MDGA2: variants seen among roughly 807,000 people sequenced by gnomAD.
The protein encoded by MDGA2 is MAM domain-containing glycosylphosphatidylinositol anchor protein 2.
Under a neutral mutation model 117.8 loss-of-function variants are expected in MDGA2, and 40 were observed. The observed-to-expected ratio is 0.34, with a 90% CI of 0.26 to 0.44. MDGA2 has a LOEUF of 0.44. Among genes scored for constraint, MDGA2 ranks in the 20% least tolerant of loss-of-function variants. The pLI, the probability that MDGA2 is intolerant of heterozygous loss-of-function variation, is 1.00. For missense variants in MDGA2, 1,123 were observed against 1,250.6 expected (o/e 0.90, Z 1.54); for synonymous variants, 452 against 439.0 (o/e 1.03, Z -0.37).
chr14:47,003,746 T>C (rs145649447), intron 8 of MDGA2, among the ~76,000 whole-genome samples: 5 of 152,080 alleles, frequency 3.3e-5, no homozygotes, highest in Non-Finnish European at 7.4e-5. Flanking sequence ...TTTATCAGTA[T>C]CTTTCAAACA....
In MDGA2 at chr14:47,174,078, G is replaced by A. The variant is rs372005654; in HGVS notation, c.596-29804C>T. 9.1e-4 allele frequency among the ~76,000 whole-genome samples: 138 copies of A among 152,144 alleles called. 1 individual carries two copies. The highest frequency in any genetic ancestry group is 3.5e-3 in the East Asian group (18 of 5,154). On this transcript the variant is annotated intron_variant, in intron 3 of 16. Coordinates refer to ENST00000399232, the MANE Select transcript of MDGA2 (RefSeq NM_001113498.3). ...GCCATTACATAATGGTAAAGGGATC[G>A]ATTCAACAAGAAGAGGTAACTATCC... is the stretch of plus-strand genomic sequence containing the variant.
At chr14:47,288,356 T>C (rs1401060535) in intron 2 of MDGA2, among the ~76,000 whole-genome samples, 1 of 152,202 alleles carries the variant, frequency 6.6e-6, no homozygotes, top group Non-Finnish European at 1.5e-5. Context: ...CACAAAGAGT[T>C]ATTCAAAATG....
At chr14:46,959,610 A>AT (rs1348622525) in intron 8 of MDGA2, among the ~76,000 whole-genome samples, 1 of 151,578 alleles carries the variant, frequency 6.6e-6, no homozygotes, top group Non-Finnish European at 1.5e-5. Flanking sequence ...ATTTTATTAC[A>AT]TTTTTGTATT....
At chr14:47,103,502 G>C (rs1395776137) in intron 5 of MDGA2, among the ~76,000 whole-genome samples, 1 of 152,178 alleles carries the variant, frequency 6.6e-6, no homozygotes, top group Non-Finnish European at 1.5e-5. Flanking sequence ...TTGGTATCAT[G>C]CTGGGAAATT....
chr14:47,062,607 A>G (rs533316717), intron 6 of MDGA2, among the ~76,000 whole-genome samples: 13 of 151,760 alleles, frequency 8.6e-5, no homozygotes, highest in Non-Finnish European at 1.9e-4. Context: ...AGGATAAAAT[A>G]TTGGTCATCC....
intron 1 of MDGA2, among the ~76,000 whole-genome samples, chr14:47,499,379 T>C (rs911132163): frequency 6.6e-6 from 1 of 152,256 alleles, no homozygotes; most frequent in Admixed American, 6.5e-5. Flanking sequence ...CATTGAAAAC[T>C]AGTTTATATG....
intron 8 of MDGA2, among the ~76,000 whole-genome samples, chr14:46,969,198 C>T (rs534241533): frequency 5.1e-4 from 78 of 152,198 alleles, no homozygotes; most frequent in African/African-American, 1.7e-3. Flanking sequence ...TGACTATTGC[C>T]GCAATAAACA....
chr14:47,471,715 C>T (rs17745673), intron 1 of MDGA2, among the ~76,000 whole-genome samples: 15,404 of 151,980 alleles, frequency 0.1, 1,119 homozygotes, highest in Non-Finnish European at 0.14. Context: ...CATATTTACT[C>T]ATTGGGAATT....
chr14:46,843,196 T>C (rs1880689165), intron 16 of MDGA2, among the ~76,000 whole-genome samples: 1 of 152,170 alleles, frequency 6.6e-6, no homozygotes, highest in African/African-American at 2.4e-5. Flanking sequence ...TGTACAGTAA[T>C]GAAGTCCCTA....
chr14:47,353,626 G>C (rs1890931645), intron 1 of MDGA2, among the ~76,000 whole-genome samples: 1 of 152,148 alleles, frequency 6.6e-6, no homozygotes. Context: ...CAGAAAGCCT[G>C]AGTAGACCAA....
chr14:46,968,884 C>T (rs189124560), intron 8 of MDGA2, among the ~76,000 whole-genome samples: 38 of 148,208 alleles, frequency 2.6e-4, no homozygotes, highest in Non-Finnish European at 4.8e-4. Context: ...AATTCAGTAA[C>T]GTTGCAGGAT....
At chr14:46,880,759 G>C (rs1257850160) in intron 11 of MDGA2, among the ~76,000 whole-genome samples, 1 of 142,232 alleles carries the variant, frequency 7.0e-6, no homozygotes, top group Non-Finnish European at 1.5e-5. Flanking sequence ...CCAAGATTGC[G>C]GCATTGCACT....
chr14:47,439,816 G>GGTGTGT (rs1271339901), intron 1 of MDGA2, among the ~76,000 whole-genome samples: 3 of 21,512 alleles, frequency 1.4e-4, no homozygotes, highest in South Asian at 2.4e-3. Flanking sequence ...ATTCACTAAG[G>GGTGTGT]GAGTGTGTGT....
intron 1 of MDGA2, among the ~76,000 whole-genome samples, chr14:47,540,563 T>TATATATATATATACACACAC (rs370481455): frequency 1.8e-5 from 2 of 112,520 alleles, no homozygotes; most frequent in African/African-American, 5.9e-5. Flanking sequence ...TGTATATATA[T>TATATATATATATACACACAC]ACACACACAC....
intron 10 of MDGA2, among the ~76,000 whole-genome samples, chr14:46,885,505 T>G (rs1369393196): frequency 1.3e-5 from 2 of 152,128 alleles, no homozygotes; most frequent in Non-Finnish European, 2.9e-5. Flanking sequence ...AAATGGAAAT[T>G]AAAACCACAA....
intron 3 of MDGA2, among the ~76,000 whole-genome samples, chr14:47,202,811 T>A (rs1885556174): frequency 1.3e-5 from 2 of 149,308 alleles, no homozygotes; most frequent in Non-Finnish European, 3.0e-5. Context: ...ACAATGGTGC[T>A]CTAATGACCT....
At chr14:47,270,911 G>A (rs139824527) in intron 2 of MDGA2, among the ~76,000 whole-genome samples, 2 of 152,180 alleles carry the variant, frequency 1.3e-5, no homozygotes, top group African/African-American at 4.8e-5. Context: ...TCCTCTAACC[G>A]CAATCCTGCA....
rs768237823 is a variant in MDGA2 at position 47,013,790 on chromosome 14, A to ATATATATC, written c.1819+21220_1819+21221insGATATATA. ...TTTCCTTGTATATATATATATATAT[A>ATATATATC]TATCTCCTTTTTTTTTTTGACAGAG... is the stretch of plus-strand genomic sequence containing the variant. On this transcript the variant is annotated intron_variant, in intron 8 of 16. Transcript: ENST00000399232. 8.9e-4 allele frequency among the ~76,000 whole-genome samples: 118 copies of ATATATATC among 133,106 alleles called. 8 individuals are homozygous for ATATATATC. Among genetic ancestry groups the ATATATATC allele is most frequent in the Admixed American group, 1.4e-3 (19 of 13,194 alleles). The allele number at this position is 133,106 out of a possible 152,430, so 87.3% of individuals were successfully genotyped here.
At chr14:47,629,553 A>G (rs919941368) in intron 1 of MDGA2, among the ~76,000 whole-genome samples, 1 of 152,216 alleles carries the variant, frequency 6.6e-6, no homozygotes, top group Non-Finnish European at 1.5e-5. Context: ...GAGAGTAAGT[A>G]CTGGAGAATG....
Sources: gnomAD v4.1 joint callset for allele counts (sites outside exome capture counted in the v4.1 genomes callset) on GRCh38, gnomAD v4.1.1 for gene constraint, MANE v1.5 for transcripts, NCBI Gene and HGNC (gene_info 2026-07-23, HGNC 2026-07-21) for gene names.